The following ZNF782 variants were observed in gnomAD, a reference collection of about 807,000 sequenced individuals.
The protein encoded by ZNF782 is zinc finger protein 782.
Under a neutral mutation model 13.0 loss-of-function variants are expected in ZNF782, and 12 were observed. The observed-to-expected ratio is 0.92, with a 90% CI of 0.59 to 1.50. ZNF782 has a LOEUF of 1.50. Among genes scored for constraint, ZNF782 ranks in the 40% most tolerant of loss-of-function variants. ZNF782 has a pLI of 0.00. For synonymous variants in ZNF782, 284 were observed against 283.0 expected, an observed-to-expected ratio of 1.00 and a Z score of -0.04; for missense variants, 770 against 822.9, an observed-to-expected ratio of 0.94 and a Z score of 0.79.
At chr9:96,890,738 T>C in the ZNF782 span, 1 of 152,248 alleles carries the variant, frequency 6.6e-6, no homozygotes, top group African/African-American at 2.4e-5. Flanking sequence ...TGTAAAATGT[T>C]ACAGCTCTGT....
At chr9:96,933,138 C>T in the ZNF782 span, among the ~76,000 whole-genome samples, 6 of 151,204 alleles carry the variant, frequency 4.0e-5, no homozygotes, top group Admixed American at 3.3e-4. Flanking sequence ...CCACCATGCC[C>T]GGCTAATTTT....
the ZNF782 span, among the ~76,000 whole-genome samples, chr9:96,907,944 A>C: frequency 6.6e-6 from 1 of 151,848 alleles, no homozygotes; most frequent in Admixed American, 6.6e-5. Context: ...CCCGGCCTTG[A>C]TAGTGTCTTA....
chr9:96,873,618 T>G (rs1354755887), intron 1 of ZNF782, among the ~76,000 whole-genome samples: 1 of 152,240 alleles, frequency 6.6e-6, no homozygotes, highest in Admixed American at 6.5e-5. Context: ...GAAAGTCGCT[T>G]GAGCCTGGGA....
chr9:96,912,992 T>C, the ZNF782 span, among the ~76,000 whole-genome samples: 1 of 151,862 alleles, frequency 6.6e-6, no homozygotes, highest in Non-Finnish European at 1.5e-5. Context: ...AAGTAGGCTT[T>C]CAAAAATATC....
chr9:96,853,454 G>A (rs1851561042), intron 1 of ZNF782, among the ~76,000 whole-genome samples: 1 of 152,134 alleles, frequency 6.6e-6, no homozygotes, highest in South Asian at 2.1e-4. Flanking sequence ...TTCCCACCTC[G>A]CAAGGGCTGC....
chr9:96,851,053 AT>A (rs1314680508), intron 3 of ZNF782, among the ~76,000 whole-genome samples: 1 of 152,160 alleles, frequency 6.6e-6, no homozygotes, highest in African/African-American at 2.4e-5. Context: ...GGTTTTTAAA[AT>A]AAAATATCTT....
At chr9:96,873,181 C>T (rs1851847784) in intron 1 of ZNF782, among the ~76,000 whole-genome samples, 1 of 151,750 alleles carries the variant, frequency 6.6e-6, no homozygotes, top group Non-Finnish European at 1.5e-5. Flanking sequence ...TTCTTTAGTA[C>T]CTAAGGTAAA....
chr9:96,917,616 G>A, the ZNF782 span, among the ~76,000 whole-genome samples: 12 of 151,680 alleles, frequency 7.9e-5, no homozygotes, highest in African/African-American at 2.9e-4. Flanking sequence ...ATTTTTAGTA[G>A]AGACGGAGTT....
chr9:96,909,643 T>G, the ZNF782 span, among the ~76,000 whole-genome samples: 1 of 151,852 alleles, frequency 6.6e-6, no homozygotes, highest in Non-Finnish European at 1.5e-5. Flanking sequence ...GAAAGTAAAA[T>G]CTGTACTGTT....
chr9:96,877,745 G>A (rs1588179679), upstream of ZNF782, among the ~76,000 whole-genome samples: 2 of 152,208 alleles, frequency 1.3e-5, no homozygotes. Context: ...CCCGGTGGAT[G>A]TGCCTCTTCA....
chr9:96,890,397 C>G, the ZNF782 span: 9 of 152,328 alleles, frequency 5.9e-5, no homozygotes, highest in African/African-American at 2.2e-4. Flanking sequence ...ACAGGATGGG[C>G]TGGTGGTGAC....
chr9:96,819,158 T>C lies in ZNF782; in HGVS notation c.865A>G (p.Thr289Ala), dbSNP rs35403084. The C allele has an allele frequency of 5.5e-3, 8,864 of 1,613,504 alleles. 437 individuals are homozygous for C. The African/African-American group carries it at 0.1, about 19-fold the overall frequency. The change falls in exon 6 of 6, where the codon ACA (threonine) becomes GCA (alanine). Residue 289 changes from threonine (T) to alanine (A), a missense_variant. Physicochemically the swap from Thr to Ala is moderately conservative, Grantham distance 58 (BLOSUM62 0). Transcript: ENST00000481138. ...CFCRITHKTL[T>A]GGKSFSQKSH... ...TTTTGGCTGAAGGATTTCCCTCCTG[T>C]GAGAGTTTTGTGAGTGATTCTACAG...
the ZNF782 span, chr9:96,890,888 C>A: frequency 6.6e-6 from 1 of 152,206 alleles, no homozygotes; most frequent in East Asian, 1.9e-4. Flanking sequence ...CCGAAATGTG[C>A]ATCAACTGAT....
At chr9:96,875,358 A>C (rs1851880374) in intron 1 of ZNF782, 4 of 404,710 alleles carry the variant, frequency 9.9e-6, no homozygotes, top group South Asian at 7.2e-5. Context: ...CTTTACAGCC[A>C]AGTGTATGAT....
chr9:96,877,263 G>A (rs141689447), upstream of ZNF782, among the ~76,000 whole-genome samples: 285 of 152,364 alleles, frequency 1.9e-3, no homozygotes, highest in African/African-American at 6.8e-3. Flanking sequence ...CGATCCCCGT[G>A]AACACACCCG....
chr9:96,875,568 T>C, exon 1 of ZNF782: 1 of 456,744 alleles, frequency 2.2e-6, no homozygotes, highest in Non-Finnish European at 4.4e-6. Flanking sequence ...GGTCAACGTT[T>C]ATAAACGGGC....
the ZNF782 span, among the ~76,000 whole-genome samples, chr9:96,923,130 G>T: frequency 6.8e-6 from 1 of 147,470 alleles, no homozygotes. Context: ...AAAAATACAA[G>T]CACATAGCTC....
At position 96,819,101 on chromosome 9, in the gene ZNF782, T is replaced by C; in HGVS notation, c.922A>G (p.Ile308Val). 1 of 1,614,114 alleles carries C rather than the reference T, an allele frequency of 6.2e-7. No homozygotes were observed. The highest frequency in any genetic ancestry group is 8.5e-7 in the Non-Finnish European group (1 of 1,180,026). The change falls in exon 6 of 6, where the codon ATA (isoleucine) becomes GTA (valine). Residue 308 changes from isoleucine to valine, a missense_variant. By Grantham distance (29) the Ile-to-Val change is conservative (BLOSUM62 3). Transcript: ENST00000481138. ...CCATATTCAAAGGGTTTCACCCCTA[T>C]ATGAACTCTATGATGTTCTCTAATG... ...SHIREHHRVH[I>V]GVKPFEYGKS...
intron 3 of ZNF782, among the ~76,000 whole-genome samples, chr9:96,846,143 G>T (rs545616582): frequency 6.6e-6 from 1 of 152,290 alleles, no homozygotes; most frequent in African/African-American, 2.4e-5. Context: ...ACAAATGCAT[G>T]CTGAGGGACT....
Sources: gnomAD v4.1 joint callset for allele counts (sites outside exome capture counted in the v4.1 genomes callset) on GRCh38, gnomAD v4.1.1 for gene constraint, MANE v1.5 for transcripts, NCBI Gene and HGNC (gene_info 2026-07-23, HGNC 2026-07-21) for gene names.